The following FAT3 variants were observed in gnomAD, a reference collection of about 807,000 sequenced individuals.
FAT3 encodes FAT atypical cadherin 3, also known as protocadherin Fat 3.
FAT3 carries 95 observed loss-of-function variants against 310.2 expected under a neutral mutation model. The observed-to-expected ratio is 0.31, with a 90% confidence interval of 0.26 to 0.36. FAT3 has a LOEUF of 0.36. Ranked by LOEUF, FAT3 falls within the 10% of genes least tolerant of loss-of-function variation. The probability of loss-of-function intolerance (pLI) is 1.00; values close to 1 mark genes in which losing one functional copy is unlikely to be tolerated. For missense variants in FAT3, 5,408 were observed against 5,715.6 expected (o/e 0.95, Z 1.74); for synonymous variants, 2,314 against 2,192.9 (o/e 1.06, Z -1.54).
chr11:92,482,683 A>T (rs1232563887), intron 2 of FAT3, among the ~76,000 whole-genome samples: 1 of 151,778 alleles, frequency 6.6e-6, no homozygotes, highest in Non-Finnish European at 1.5e-5. Flanking sequence ...CAATACAGTA[A>T]CCTCTCAAAA....
intron 12 of FAT3, 132 bp from the exon 13 acceptor site, chr11:92,809,711 T>C: frequency 1.5e-6 from 1 of 668,922 alleles, no homozygotes. Context: ...ATTTTTAAAG[T>C]ATGGGACACT....
intron 20 of FAT3, among the ~76,000 whole-genome samples, chr11:92,858,242 G>A (rs1167595255): frequency 6.6e-6 from 1 of 152,200 alleles, no homozygotes; most frequent in African/African-American, 2.4e-5. Flanking sequence ...CTGCAATTAA[G>A]TAAAGGGACC....
At chr11:92,889,714 G>A in intron 26 of FAT3, 142 bp from the exon 27 acceptor site, 1 of 623,016 alleles carries the variant, frequency 1.6e-6, no homozygotes, top group South Asian at 2.0e-5. Flanking sequence ...ATAACAATGG[G>A]AAGAAATAAA....
At chr11:92,416,157 C>T (rs1326537397) in intron 2 of FAT3, among the ~76,000 whole-genome samples, 1 of 145,978 alleles carries the variant, frequency 6.9e-6, no homozygotes, top group South Asian at 2.2e-4. Flanking sequence ...GGGCAGATCA[C>T]GAGGTCAGGA....
At chr11:92,286,917 G>C (rs1292621395) in intron 1 of FAT3, among the ~76,000 whole-genome samples, 2 of 152,274 alleles carry the variant, frequency 1.3e-5, no homozygotes, top group East Asian at 3.9e-4. Context: ...TAGATCTTCA[G>C]CTTTAAGAAG....
At chr11:92,837,999 G>C (rs967194775) in intron 17 of FAT3, among the ~76,000 whole-genome samples, 193 bp downstream of exon 17, 3 of 152,130 alleles carry the variant, frequency 2.0e-5, no homozygotes, top group African/African-American at 7.2e-5. Flanking sequence ...ATTGAGGGGT[G>C]GATTTTTTTC....
chr11:92,569,505 A>C lies in FAT3; in HGVS notation c.3607+44557A>C, dbSNP rs17530465. Among the ~76,000 whole-genome samples the C allele has an allele frequency of 6.5e-3, 997 of 152,294 alleles. 10 individuals carry two copies. The highest frequency in any genetic ancestry group is 0.021 in the East Asian group (106 of 5,170). Reference sequence around the variant, plus strand: ...TGTTAACTCAGAAAGAAAAGTAACGAAAGTTGAGAACAAGGCCTCAAAAAC... The same window carrying C: ...TGTTAACTCAGAAAGAAAAGTAACGCAAGTTGAGAACAAGGCCTCAAAAAC... On this transcript the variant is annotated intron_variant, in intron 3 of 27. Transcript: ENST00000525166.
intron 7 of FAT3, among the ~76,000 whole-genome samples, chr11:92,786,734 G>C (rs1026097919): frequency 1.3e-5 from 2 of 152,230 alleles, no homozygotes; most frequent in Middle Eastern, 6.8e-3. Flanking sequence ...CCTGTACTTT[G>C]ATCCAACCAT....
At chr11:92,231,006 A>C (rs1215744056) in intron 1 of FAT3, among the ~76,000 whole-genome samples, 1 of 152,214 alleles carries the variant, frequency 6.6e-6, no homozygotes, top group Non-Finnish European at 1.5e-5. Context: ...GGAAGAACGT[A>C]TTCATGGGGC....
chr11:92,510,603 G>A (rs529864248), intron 2 of FAT3, among the ~76,000 whole-genome samples: 79 of 152,294 alleles, frequency 5.2e-4, no homozygotes, highest in African/African-American at 1.8e-3. Flanking sequence ...ACTTCAAGAA[G>A]CAAGTATGTG....
chr11:92,774,202 T>G, intron 7 of FAT3, 22 bp downstream of exon 7: 1 of 1,590,264 alleles, frequency 6.3e-7, no homozygotes, highest in Non-Finnish European at 8.6e-7. Context: ...AATTACTGAA[T>G]AGCAGGAATG....
At position 92,353,393 on chromosome 11, in the gene FAT3, T is replaced by G. The variant is rs1948625469; in HGVS notation, c.1281T>G (p.Gly427=). The change falls in exon 2 of 28, where the codon GGT becomes GGG. Residue 427 remains glycine, a synonymous_variant. Transcript: ENST00000525166. Reference sequence around the variant, plus strand: ...ACTTTAAAATTAATCCTCGGTCGGGTCTGATTGTTACAGCACGGCCACTGA... The same window carrying G: ...ACTTTAAAATTAATCCTCGGTCGGGGCTGATTGTTACAGCACGGCCACTGA... The part of the protein sequence containing the change: ...AVYFKINPRS[G]LIVTARPLNT... 1 of 1,613,424 alleles carries G rather than the reference T, an allele frequency of 6.2e-7. No homozygotes were observed. Among genetic ancestry groups the G allele is most frequent in the Non-Finnish European group, 8.5e-7 (1 of 1,179,764 alleles).
chr11:92,450,690 C>T (rs1436474245), intron 2 of FAT3, among the ~76,000 whole-genome samples: 1 of 152,090 alleles, frequency 6.6e-6, no homozygotes, highest in African/African-American at 2.4e-5. Context: ...CCATGAAATC[C>T]CTAAGTCTGT....
chr11:92,490,473 A>T (rs1030360811), intron 2 of FAT3, among the ~76,000 whole-genome samples: 1 of 152,124 alleles, frequency 6.6e-6, no homozygotes, highest in Non-Finnish European at 1.5e-5. Context: ...CTTCCTGAGA[A>T]GTGGAGACTA....
chr11:92,662,196 A>G (rs867882703), intron 3 of FAT3, among the ~76,000 whole-genome samples: 9 of 152,194 alleles, frequency 5.9e-5, no homozygotes, highest in Admixed American at 2.6e-4. Context: ...CTAATGTGAA[A>G]TAAGAACAGG....
intron 1 of FAT3, among the ~76,000 whole-genome samples, chr11:92,294,668 CTT>C (rs10714164): frequency 9.4e-5 from 14 of 149,354 alleles, no homozygotes; most frequent in Middle Eastern, 3.4e-3. Flanking sequence ...CTGATTTTGC[CTT>C]TTTTTTTTTC....
intron 2 of FAT3, among the ~76,000 whole-genome samples, chr11:92,515,338 A>T (rs1055067380): frequency 7.9e-5 from 12 of 152,296 alleles, no homozygotes; most frequent in Non-Finnish European, 1.3e-4. Context: ...AATGCTTTTT[A>T]AAAATATTTA....
intron 1 of FAT3, among the ~76,000 whole-genome samples, chr11:92,315,508 T>TAGAGAGAG (rs1456432670): frequency 2.4e-4 from 20 of 83,334 alleles, no homozygotes; most frequent in East Asian, 9.9e-4. Context: ...TATATATATA[T>TAGAGAGAG]ATATAGAGAG....
intron 1 of FAT3, among the ~76,000 whole-genome samples, chr11:92,331,631 C>T (rs938440863): frequency 6.6e-6 from 1 of 152,166 alleles, no homozygotes; most frequent in African/African-American, 2.4e-5. Flanking sequence ...TACTCCAGAA[C>T]TGAGGTACTA....
Sources: gnomAD v4.1 joint callset for allele counts (sites outside exome capture counted in the v4.1 genomes callset) on GRCh38, gnomAD v4.1.1 for gene constraint, MANE v1.5 for transcripts, NCBI Gene and HGNC (gene_info 2026-07-23, HGNC 2026-07-21) for gene names.